SLC25A40: variants seen among roughly 807,000 people sequenced by gnomAD.
SLC25A40 encodes the protein mitochondrial glutathione transporter SLC25A40.
In SLC25A40, 41 loss-of-function variants were observed where a neutral mutation model predicts 46.5. The ratio of observed to expected loss-of-function variants is 0.88; its 90% CI spans 0.69 to 1.14. The LOEUF (loss-of-function observed/expected upper bound fraction) is 1.14, where lower values mean the gene tolerates loss of function less well. Among genes scored for constraint, SLC25A40 ranks in the 50% most tolerant of loss-of-function variants. The pLI, the probability that SLC25A40 is intolerant of heterozygous loss-of-function variation, is 0.00. For synonymous variants in SLC25A40, 126 were observed against 127.5 expected, an observed-to-expected ratio of 0.99 and a Z score of 0.08; for missense variants, 386 against 393.6, an observed-to-expected ratio of 0.98 and a Z score of 0.16.
chr7:87,851,985 T>C (rs1354990887), intron 5 of SLC25A40, among the ~76,000 whole-genome samples: 1 of 152,222 alleles, frequency 6.6e-6, no homozygotes, highest in African/African-American at 2.4e-5. Context: ...TGCATTATAA[T>C]AGTTAAACTA....
At chr7:87,873,194 G>A (rs1243835049) in intron 1 of SLC25A40, among the ~76,000 whole-genome samples, 1 of 151,632 alleles carries the variant, frequency 6.6e-6, no homozygotes, top group Non-Finnish European at 1.5e-5. Context: ...CTATGGACAG[G>A]AAAAAATAAT....
At chr7:87,842,118 C>A in intron 9 of SLC25A40, 1 of 264,742 alleles carries the variant, frequency 3.8e-6, no homozygotes, top group Non-Finnish European at 7.6e-6. Flanking sequence ...TAAAAATTTC[C>A]AGCAAACGCT....
intron 5 of SLC25A40, among the ~76,000 whole-genome samples, chr7:87,850,333 C>T (rs1222791775): frequency 6.6e-6 from 1 of 152,088 alleles, no homozygotes; most frequent in Admixed American, 6.6e-5. Context: ...TGGAGAGGAA[C>T]CAAAAGTAGG....
At chr7:87,842,895 A>C (rs1838356095) in intron 9 of SLC25A40, among the ~76,000 whole-genome samples, 1 of 152,076 alleles carries the variant, frequency 6.6e-6, no homozygotes, top group African/African-American at 2.4e-5. Context: ...GCCATTATTC[A>C]ACAATACTAA....
chr7:87,852,815 G>A (rs1369006381), intron 5 of SLC25A40, among the ~76,000 whole-genome samples: 1 of 152,100 alleles, frequency 6.6e-6, no homozygotes, highest in Non-Finnish European at 1.5e-5. Context: ...ACACCCATAG[G>A]CAGCAACAAC....
intron 3 of SLC25A40, among the ~76,000 whole-genome samples, chr7:87,858,097 G>A (rs1033272840): frequency 6.6e-6 from 1 of 152,106 alleles, no homozygotes; most frequent in Non-Finnish European, 1.5e-5. Flanking sequence ...TACTAGGATT[G>A]GGCAACTCCA....
chr7:87,854,270 T>C lies in SLC25A40; in HGVS notation c.198A>G (p.Leu66=), dbSNP rs150511221. 4.6e-5 allele frequency: 74 copies of C among 1,613,236 alleles called. No individual in the cohort carries two copies. The highest frequency in any genetic ancestry group is 4.5e-5 in the Non-Finnish European group (53 of 1,179,534). Residue 66 remains leucine, a synonymous_variant, in exon 5 of 12, where the codon CTA becomes CTG. Transcript: ENST00000341119. ...TGTTGCCTCCCTCTTCACAGACACA[T>C]AGATGATCCATGAGTCCATTACTAT... is the stretch of plus-strand genomic sequence containing the variant. ...FVYSNGLMDH[L]CVCEEGGNKL...
At chr7:87,868,585 G>A (rs1260371716) in intron 1 of SLC25A40, among the ~76,000 whole-genome samples, 2 of 152,272 alleles carry the variant, frequency 1.3e-5, no homozygotes, top group African/African-American at 4.8e-5. Context: ...ATTTGCTAGA[G>A]TGGTTCACAG....
chr7:87,838,114 C>A (rs1333875874), intron 10 of SLC25A40, among the ~76,000 whole-genome samples: 2 of 151,366 alleles, frequency 1.3e-5, no homozygotes. Flanking sequence ...AGAAGCTGTA[C>A]TAGCAATAGC....
At chr7:87,859,301 A>G (rs1838661761) in intron 2 of SLC25A40, among the ~76,000 whole-genome samples, 1 of 151,952 alleles carries the variant, frequency 6.6e-6, no homozygotes, top group African/African-American at 2.4e-5. Context: ...AAAAATACAA[A>G]AAATTAGCCA....
Position 87,862,124 on chromosome 7 carries a change from T to C in SLC25A40, c.-93-1484A>G, listed in dbSNP as rs565952783. Among the ~76,000 whole-genome samples the C allele has an allele frequency of 1.1e-4, 17 of 152,316 alleles. No individual in the cohort carries two copies. The East Asian group carries it at 3.3e-3, about 29-fold the overall frequency. ...CTAGAACTCATAATGTATTCAACAC[T>C]GCTTTAAACTCCCTACAGTTTTACC... is the stretch of plus-strand genomic sequence containing the variant. On this transcript the variant is annotated intron_variant, in intron 1 of 11. Coordinates refer to ENST00000341119, the MANE Select transcript of SLC25A40 (RefSeq NM_018843.4).
At chr7:87,851,759 G>A (rs1484631856) in intron 5 of SLC25A40, among the ~76,000 whole-genome samples, 6 of 152,092 alleles carry the variant, frequency 3.9e-5, no homozygotes, top group African/African-American at 1.4e-4. Flanking sequence ...AACGCTACCC[G>A]GCAGTAACAA....
Position 87,873,785 on chromosome 7 carries a change from T to G in SLC25A40, c.-94+2311A>C, listed in dbSNP as rs746177991. ...AACTAGTTAGGGACAGGGCCAGCAA[T>G]GAATAAAATTCATTTCTCTTGATTC... is the stretch of plus-strand genomic sequence containing the variant. On this transcript the variant is annotated intron_variant, in intron 1 of 11. Coordinates refer to ENST00000341119, the MANE Select transcript of SLC25A40 (RefSeq NM_018843.4). Among the ~76,000 whole-genome samples the G allele has an allele frequency of 9.2e-5, 14 of 152,308 alleles. No homozygotes were observed. In the South Asian group the frequency reaches 1.0e-3, roughly 11 times the overall value.
At position 87,835,321 on chromosome 7, in the gene SLC25A40, T is replaced by A. The variant is rs964519021; in HGVS notation, c.*928A>T. The A allele has an allele frequency of 6.6e-6, 1 of 151,656 alleles. No individual in the cohort carries two copies. Among genetic ancestry groups the A allele is most frequent in the Non-Finnish European group, 1.5e-5 (1 of 67,714 alleles). 9.4% of individuals were successfully genotyped at this position (151,656 alleles called of 1,614,324 possible). A position where few individuals can be genotyped will look rare whatever the true frequency, so the allele number is the denominator to read the frequency against. On this transcript the variant is annotated 3_prime_UTR_variant, in exon 12 of 12. Transcript: ENST00000341119. ...TTAGAGTAAAAATCAAAGGATATTT[T>A]AGAAATATCTTGTAACTATTGTTGT...
intron 1 of SLC25A40, among the ~76,000 whole-genome samples, chr7:87,864,971 TTTTCTTTTC>T (rs1412897302): frequency 1.3e-5 from 2 of 149,552 alleles, no homozygotes; most frequent in East Asian, 1.9e-4. Context: ...TTTTCTTTTC[TTTTCTTTTC>T]TTTTTTTTTT....
intron 4 of SLC25A40, among the ~76,000 whole-genome samples, chr7:87,855,780 G>C (rs1838604602): frequency 1.3e-5 from 2 of 152,148 alleles, no homozygotes; most frequent in Admixed American, 1.3e-4. Flanking sequence ...TGGTTGCAAT[G>C]CCATTATCTT....
intron 10 of SLC25A40, among the ~76,000 whole-genome samples, chr7:87,838,578 C>T (rs1214905502): frequency 6.6e-6 from 1 of 151,312 alleles, no homozygotes; most frequent in African/African-American, 2.4e-5. Context: ...TATCATAATA[C>T]CTCTATTTTT....
chr7:87,870,310 A>T (rs1838876689), intron 1 of SLC25A40, among the ~76,000 whole-genome samples: 1 of 151,936 alleles, frequency 6.6e-6, no homozygotes, highest in South Asian at 2.1e-4. Flanking sequence ...CAATTTGCCT[A>T]TTTTTTCTGT....
At chr7:87,836,573 CTT>C (rs1562740434) in intron 11 of SLC25A40, among the ~76,000 whole-genome samples, 155 bp downstream of exon 11, 1 of 151,168 alleles carries the variant, frequency 6.6e-6, no homozygotes, top group Admixed American at 6.6e-5. Context: ...GATAGTAAAT[CTT>C]TTATTTAACA....
Sources: gnomAD v4.1 joint callset for allele counts (sites outside exome capture counted in the v4.1 genomes callset) on GRCh38, gnomAD v4.1.1 for gene constraint, MANE v1.5 for transcripts, NCBI Gene and HGNC (gene_info 2026-07-23, HGNC 2026-07-21) for gene names.